FHIT: variants seen among roughly 807,000 people sequenced by gnomAD.
FHIT encodes the protein fragile histidine triad diadenosine triphosphatase.
Under a neutral mutation model 17.9 loss-of-function variants are expected in FHIT, and 19 were observed. The ratio of observed to expected loss-of-function variants is 1.06; its 90% CI spans 0.74 to 1.56. The LOEUF is 1.56. Among genes scored for constraint, FHIT ranks in the 40% most tolerant of loss-of-function variants. The pLI is 0.00. For missense variants in FHIT, 248 were observed against 189.2 expected, an observed-to-expected ratio of 1.31 and a Z score of -1.82; for synonymous variants, 81 against 69.7, an observed-to-expected ratio of 1.16 and a Z score of -0.81.
intron 5 of FHIT, among the ~76,000 whole-genome samples, chr3:60,220,949 T>C (rs1703933079): frequency 6.6e-6 from 1 of 152,182 alleles, no homozygotes; most frequent in South Asian, 2.1e-4. Flanking sequence ...GGGGATTGTT[T>C]TAATATATAT....
intron 4 of FHIT, among the ~76,000 whole-genome samples, chr3:60,586,985 G>A (rs1410868684): frequency 6.6e-6 from 1 of 151,802 alleles, no homozygotes; most frequent in Non-Finnish European, 1.5e-5. Flanking sequence ...CTGTACCCCT[G>A]AACCTAAAAT....
In FHIT at chr3:60,933,741, T is replaced by C. The variant is rs370156326; in HGVS notation, c.-111+108306A>G. Reference sequence around the variant, plus strand: ...TGTCTCTGGAACACTTTTTGGCTCATGTCCTTTGCAATTCACAGACTACAC... The same window carrying C: ...TGTCTCTGGAACACTTTTTGGCTCACGTCCTTTGCAATTCACAGACTACAC... On this transcript the variant is annotated intron_variant, in intron 3 of 9. Transcript: ENST00000492590. Among the ~76,000 whole-genome samples, 17 of 152,350 alleles carry C rather than the reference T, an allele frequency of 1.1e-4. No individual in the cohort carries two copies. The South Asian group carries it at 2.5e-3, about 22-fold the overall frequency.
chr3:60,408,452 G>A lies in FHIT; in HGVS notation c.103+128408C>T, dbSNP rs1400003033. ...CCCCAGAAGTCCACTAAAACCCAGT[G>A]GGGCAAGGAATGACTGTACTAGAAA... On this transcript the variant is annotated intron_variant, in intron 5 of 9. Coordinates refer to ENST00000492590, the MANE Select transcript of FHIT (RefSeq NM_002012.4). 2.0e-5 allele frequency among the ~76,000 whole-genome samples: 3 copies of A among 152,114 alleles called. No homozygotes were observed. The East Asian group carries it at 5.8e-4, about 29-fold the overall frequency.
chr3:60,114,286 A>G (rs1052919382), intron 5 of FHIT, among the ~76,000 whole-genome samples: 18 of 150,376 alleles, frequency 1.2e-4, no homozygotes, highest in Non-Finnish European at 2.5e-4. Flanking sequence ...GGCTGCGACT[A>G]GAATTTAAAA....
chr3:60,995,284 C>T (rs1419027734), intron 3 of FHIT, among the ~76,000 whole-genome samples: 1 of 152,106 alleles, frequency 6.6e-6, no homozygotes, highest in Non-Finnish European at 1.5e-5. Context: ...CGTGCCACTG[C>T]ACTCCAGCCT....
rs144563900 is a variant in FHIT at position 59,787,791 on chromosome 3, T to A, written c.349-35470A>T. Among the ~76,000 whole-genome samples, 3 of 152,384 alleles carry A rather than the reference T, an allele frequency of 2.0e-5. No homozygotes were observed. In the East Asian group the frequency reaches 5.8e-4, roughly 29 times the overall value. On this transcript the variant is annotated intron_variant, in intron 8 of 9. Transcript: ENST00000492590. ...TGTGAAAACTGAGGTTTAGAGATTA[T>A]GTATCCTGCCAAGGTCACTCGGTTC...
chr3:61,125,126 G>GA (rs1318354910), intron 2 of FHIT, among the ~76,000 whole-genome samples: 2 of 152,002 alleles, frequency 1.3e-5, no homozygotes, highest in East Asian at 1.9e-4. Context: ...TCAAAAAACT[G>GA]AAAAAAATGA....
intron 7 of FHIT, among the ~76,000 whole-genome samples, chr3:59,969,642 T>C (rs755136552): frequency 3.3e-5 from 5 of 152,122 alleles, no homozygotes; most frequent in Non-Finnish European, 5.9e-5. Flanking sequence ...TTATGCTTCA[T>C]TTGCGTACTT....
intron 1 of FHIT, among the ~76,000 whole-genome samples, chr3:61,224,570 C>T (rs1461261520): frequency 2.0e-5 from 3 of 152,146 alleles, no homozygotes; most frequent in East Asian, 1.9e-4. Flanking sequence ...CCACCACACC[C>T]AGCTAATTTT....
intron 4 of FHIT, among the ~76,000 whole-genome samples, chr3:60,602,694 G>A (rs1553669216): frequency 1.3e-5 from 2 of 152,262 alleles, no homozygotes; most frequent in African/African-American, 4.8e-5. Flanking sequence ...TTATGAGCCT[G>A]TGCAATGGAC....
At chr3:60,969,868 T>C (rs1709921965) in intron 3 of FHIT, among the ~76,000 whole-genome samples, 1 of 152,180 alleles carries the variant, frequency 6.6e-6, no homozygotes, top group African/African-American at 2.4e-5. Context: ...CTGACTTTTT[T>C]GTTTGTTTTG....
intron 4 of FHIT, among the ~76,000 whole-genome samples, chr3:60,679,351 C>G (rs2107858761): frequency 6.6e-6 from 1 of 152,296 alleles, no homozygotes; most frequent in East Asian, 1.9e-4. Context: ...CTGCTTACTG[C>G]ACCTAATTTG....
intron 5 of FHIT, among the ~76,000 whole-genome samples, chr3:60,401,826 A>G (rs1239048180): frequency 6.6e-6 from 1 of 152,176 alleles, no homozygotes; most frequent in African/African-American, 2.4e-5. Flanking sequence ...TGAGTCTTGA[A>G]AACAATTTGG....
intron 5 of FHIT, among the ~76,000 whole-genome samples, chr3:60,167,116 C>T (rs1222953125): frequency 1.3e-5 from 2 of 152,140 alleles, no homozygotes; most frequent in African/African-American, 4.8e-5. Context: ...ACTGTCTTTC[C>T]CCCCTTTCTA....
intron 2 of FHIT, among the ~76,000 whole-genome samples, chr3:61,156,694 T>C (rs994929287): frequency 6.6e-6 from 1 of 152,236 alleles, no homozygotes; most frequent in Admixed American, 6.5e-5. Flanking sequence ...CACTCACTTA[T>C]GGTATAATCT....
At chr3:61,093,083 C>T (rs983959981) in intron 2 of FHIT, among the ~76,000 whole-genome samples, 1 of 152,182 alleles carries the variant, frequency 6.6e-6, no homozygotes. Context: ...CTCTAAGCAA[C>T]TTACTAATCT....
intron 3 of FHIT, among the ~76,000 whole-genome samples, chr3:61,014,830 ACACATCCT>A (rs1399411582): frequency 1.5e-4 from 21 of 140,524 alleles, no homozygotes; most frequent in Non-Finnish European, 2.6e-4. Flanking sequence ...ATATATGTAT[ACACATCCT>A]TATATATGTA....
At chr3:60,933,356 C>A (rs1708052084) in intron 3 of FHIT, among the ~76,000 whole-genome samples, 1 of 152,100 alleles carries the variant, frequency 6.6e-6, no homozygotes, top group South Asian at 2.1e-4. Context: ...ATATTTTAGT[C>A]CAACATATGC....
At chr3:60,299,941 T>C (rs371171626) in intron 5 of FHIT, among the ~76,000 whole-genome samples, 10 of 152,116 alleles carry the variant, frequency 6.6e-5, no homozygotes, top group African/African-American at 2.4e-4. Context: ...ACTGCCCCTT[T>C]CCCAGTCCTT....
Sources: allele counts gnomAD v4.1 joint callset (sites outside exome capture counted in the v4.1 genomes callset), GRCh38; gene constraint gnomAD v4.1.1; transcripts MANE v1.5; gene names NCBI Gene and HGNC (gene_info 2026-07-23, HGNC 2026-07-21).